The following GALNT17 variants were observed in gnomAD, a reference collection of about 807,000 sequenced individuals.
GALNT17 encodes polypeptide N-acetylgalactosaminyltransferase 17, also known as UDP-GalNAc:polypeptide N-acetylgalactosaminyltransferase-like 3.
A neutral mutation model predicts 63.7 loss-of-function variants in GALNT17; 29 were observed. The ratio of observed to expected loss-of-function variants is 0.46; its 90% CI spans 0.34 to 0.62. The LOEUF is 0.62. GALNT17 is among the 20% of genes least tolerant of loss of function. The pLI is 0.01. For missense variants in GALNT17, 603 were observed against 799.6 expected (o/e 0.75, Z 2.97); for synonymous variants, 305 against 318.3 (o/e 0.96, Z 0.45).
At position 71,337,757 on chromosome 7, in the gene GALNT17, A is replaced by G. The variant is rs561962063; in HGVS notation, c.422+2024A>G. The stretch of plus-strand genomic sequence containing the variant: ...GTGGCAGGCTCCTATAATCCCAGCT[A>G]CTCGGGAGGCTGAGGCAGGAAAATC... On this transcript the variant is annotated intron_variant, in intron 2 of 10. Coordinates refer to ENST00000333538, the MANE Select transcript of GALNT17 (RefSeq NM_022479.3). 6.6e-4 allele frequency among the ~76,000 whole-genome samples: 101 copies of G among 151,896 alleles called. 1 individual carries two copies. In the South Asian group the frequency reaches 0.019, roughly 29 times the overall value.
intron 6 of GALNT17, among the ~76,000 whole-genome samples, chr7:71,627,454 T>C (rs951258919): frequency 7.2e-5 from 11 of 152,246 alleles, no homozygotes; most frequent in African/African-American, 2.6e-4. Flanking sequence ...GAAACAGCCT[T>C]TCCAGATGAC....
At chr7:71,166,396 G>A (rs549235115) in intron 1 of GALNT17, among the ~76,000 whole-genome samples, 1 of 152,288 alleles carries the variant, frequency 6.6e-6, no homozygotes, top group South Asian at 2.1e-4. Context: ...GGTACAATTT[G>A]ATAAGCTTTG....
At chr7:71,558,045 G>A (rs1240785764) in intron 5 of GALNT17, among the ~76,000 whole-genome samples, 1 of 152,174 alleles carries the variant, frequency 6.6e-6, no homozygotes, top group Admixed American at 6.6e-5. Context: ...CTGCACTCCA[G>A]CCTGGGCCAC....
intron 1 of GALNT17, among the ~76,000 whole-genome samples, chr7:71,321,902 C>CCTTCCTTACTTCCTTCCTTT (rs1791616600): frequency 1.4e-5 from 1 of 70,006 alleles, no homozygotes. Flanking sequence ...TTCCTTCCTT[C>CCTTCCTTACTTCCTTCCTTT]CTTCCTTCCT....
At chr7:71,632,720 C>T (rs1790469841) in intron 6 of GALNT17, among the ~76,000 whole-genome samples, 1 of 152,124 alleles carries the variant, frequency 6.6e-6, no homozygotes. Context: ...ATTGTGAGCC[C>T]GGGGAACCTG....
intron 3 of GALNT17, among the ~76,000 whole-genome samples, chr7:71,407,182 C>T (rs1386307127): frequency 6.6e-6 from 1 of 152,162 alleles, no homozygotes; most frequent in East Asian, 1.9e-4. Flanking sequence ...AGCTCAGGAA[C>T]TCAAGTCCCA....
At chr7:71,453,535 G>C (rs1787304069) in intron 5 of GALNT17, among the ~76,000 whole-genome samples, 1 of 152,130 alleles carries the variant, frequency 6.6e-6, no homozygotes, top group Non-Finnish European at 1.5e-5. Flanking sequence ...AGAGCAGGTT[G>C]GGGGAAACTT....
intron 3 of GALNT17, among the ~76,000 whole-genome samples, chr7:71,401,042 G>C (rs1400951595): frequency 1.3e-5 from 2 of 151,832 alleles, no homozygotes; most frequent in Admixed American, 1.3e-4. Context: ...ACTACTATGA[G>C]AAGCTTCTTT....
chr7:71,659,109 A>G (rs1790869474), intron 6 of GALNT17, among the ~76,000 whole-genome samples: 1 of 152,190 alleles, frequency 6.6e-6, no homozygotes, highest in South Asian at 2.1e-4. Flanking sequence ...TCTTTTTAAC[A>G]TGACCTCCAG....
At chr7:71,199,005 A>G (rs1263487505) in intron 1 of GALNT17, among the ~76,000 whole-genome samples, 1 of 152,086 alleles carries the variant, frequency 6.6e-6, no homozygotes, top group African/African-American at 2.4e-5. Context: ...AACTGTTCCC[A>G]GTTCATGTTG....
intron 5 of GALNT17, among the ~76,000 whole-genome samples, chr7:71,526,393 C>T (rs932360773): frequency 3.3e-5 from 5 of 151,560 alleles, no homozygotes; most frequent in East Asian, 1.9e-4. Flanking sequence ...CACTGAAATG[C>T]GAAATATATT....
chr7:71,528,319 A>G (rs75216359), intron 5 of GALNT17, among the ~76,000 whole-genome samples: 6,931 of 152,234 alleles, frequency 0.046, 320 homozygotes, highest in African/African-American at 0.12. Context: ...GCCATTAGAT[A>G]TGGCCAGGGC....
At chr7:71,242,583 A>G (rs1790019294) in intron 1 of GALNT17, among the ~76,000 whole-genome samples, 1 of 151,994 alleles carries the variant, frequency 6.6e-6, no homozygotes, top group African/African-American at 2.4e-5. Context: ...TCACATTTCA[A>G]CATGGAGATT....
At chr7:71,242,548 G>A (rs957343452) in intron 1 of GALNT17, among the ~76,000 whole-genome samples, 7 of 152,070 alleles carry the variant, frequency 4.6e-5, no homozygotes, top group African/African-American at 1.7e-4. Flanking sequence ...GATTACAGGT[G>A]TGAGCCACCG....
At chr7:71,141,874 GTGTGTA>G (rs1283855293) in intron 1 of GALNT17, among the ~76,000 whole-genome samples, 73 of 144,944 alleles carry the variant, frequency 5.0e-4, no homozygotes, top group African/African-American at 1.7e-3. Flanking sequence ...GTGTGTGTGT[GTGTGTA>G]TGTGTGTATT....
chr7:71,469,219 G>A (rs1787588524), intron 5 of GALNT17, among the ~76,000 whole-genome samples: 1 of 152,156 alleles, frequency 6.6e-6, no homozygotes, highest in African/African-American at 2.4e-5. Flanking sequence ...GAAGAGAAGG[G>A]ATAGGTAATG....
intron 3 of GALNT17, among the ~76,000 whole-genome samples, chr7:71,399,106 C>T (rs1262905426): frequency 3.9e-5 from 6 of 152,200 alleles, no homozygotes; most frequent in East Asian, 1.9e-4. Context: ...TGGTGGTGCA[C>T]GCCTGTAATC....
At chr7:71,448,758 A>T (rs1273161644) in intron 5 of GALNT17, among the ~76,000 whole-genome samples, 1 of 152,228 alleles carries the variant, frequency 6.6e-6, no homozygotes, top group Non-Finnish European at 1.5e-5. Context: ...GATTCTTTTT[A>T]TATAAATTTC....
chr7:71,365,616 C>A (rs1340664281), intron 2 of GALNT17, among the ~76,000 whole-genome samples: 1 of 152,152 alleles, frequency 6.6e-6, no homozygotes, highest in Non-Finnish European at 1.5e-5. Context: ...TTGAAATGTG[C>A]AGATGTCTCC....
Sources: allele counts gnomAD v4.1 joint callset (sites outside exome capture counted in the v4.1 genomes callset), GRCh38; gene constraint gnomAD v4.1.1; transcripts MANE v1.5; gene names NCBI Gene and HGNC (gene_info 2026-07-23, HGNC 2026-07-21).